The following PRKCH variants were observed in gnomAD, a reference collection of about 807,000 sequenced individuals.
The protein encoded by PRKCH is protein kinase C eta, also known as protein kinase C eta type.
In PRKCH, 28 loss-of-function variants were observed where a neutral mutation model predicts 82.5. The ratio of observed to expected loss-of-function variants is 0.34; its 90% CI spans 0.25 to 0.47. The LOEUF (loss-of-function observed/expected upper bound fraction) is 0.47, where lower values mean the gene tolerates loss of function less well. PRKCH is among the 20% of genes least tolerant of loss of function. PRKCH has a pLI of 1.00. For synonymous variants in PRKCH, 322 were observed against 327.4 expected (o/e 0.98, Z 0.18); for missense variants, 705 against 881.8 (o/e 0.80, Z 2.54).
At chr14:61,356,823 A>C (rs1475363874) in intron 1 of PRKCH, among the ~76,000 whole-genome samples, 1 of 152,156 alleles carries the variant, frequency 6.6e-6, no homozygotes, top group Non-Finnish European at 1.5e-5. Flanking sequence ...GTGGGATGAC[A>C]GGCACCTACC....
intron 1 of PRKCH, among the ~76,000 whole-genome samples, chr14:61,232,741 C>A (rs1232411323): frequency 6.6e-6 from 1 of 152,126 alleles, no homozygotes; most frequent in African/African-American, 2.4e-5. Flanking sequence ...TTGATTAAAT[C>A]ATTGACCATT....
intron 2 of PRKCH, among the ~76,000 whole-genome samples, chr14:61,410,878 G>C (rs73320025): frequency 6.6e-6 from 1 of 152,226 alleles, no homozygotes; most frequent in Non-Finnish European, 1.5e-5. Context: ...ATTCCAAACC[G>C]TGCGAATGGC....
Position 61,496,131 on chromosome 14 carries a change from G to A in PRKCH, c.1433+10475G>A, listed in dbSNP as rs552370587. Among the ~76,000 whole-genome samples, 56 of 152,292 alleles carry A rather than the reference G, an allele frequency of 3.7e-4. 1 individual carries two copies. In the South Asian group the frequency reaches 0.011, roughly 29 times the overall value. On this transcript the variant is annotated intron_variant, in intron 10 of 13. Transcript: ENST00000332981. ...GCAGATGAATTCGGGCGTCATGGGC[G>A]TCGAGGGCCCAAGCCTTTTTGTTTT...
At chr14:61,434,997 A>C (rs1883606210) in intron 2 of PRKCH, among the ~76,000 whole-genome samples, 1 of 152,202 alleles carries the variant, frequency 6.6e-6, no homozygotes, top group African/African-American at 2.4e-5. Flanking sequence ...CCCACAACAG[A>C]AAGCTGGAAA....
At chr14:61,371,853 T>G (rs1434238854) in intron 1 of PRKCH, among the ~76,000 whole-genome samples, 1 of 151,992 alleles carries the variant, frequency 6.6e-6, no homozygotes, top group Non-Finnish European at 1.5e-5. Context: ...TTTAGAGAAA[T>G]TATTGGGAAT....
At chr14:61,363,121 C>A (rs750077099) in intron 1 of PRKCH, among the ~76,000 whole-genome samples, 3 of 152,146 alleles carry the variant, frequency 2.0e-5, no homozygotes, top group Non-Finnish European at 4.4e-5. Flanking sequence ...CAAGGGCAAG[C>A]CTTTCCATGT....
intron 1 of PRKCH, among the ~76,000 whole-genome samples, chr14:61,227,463 G>A (rs1405308629): frequency 1.3e-5 from 2 of 152,090 alleles, no homozygotes; most frequent in African/African-American, 2.4e-5. Context: ...GCGTGGTGGC[G>A]AGCGCCCGTA....
At chr14:61,420,590 G>A (rs1334850796) in intron 2 of PRKCH, among the ~76,000 whole-genome samples, 1 of 152,154 alleles carries the variant, frequency 6.6e-6, no homozygotes, top group Non-Finnish European at 1.5e-5. Context: ...CCTAGCTAAA[G>A]GACTCTCTCT....
intron 2 of PRKCH, 59 bp downstream of exon 2, chr14:61,391,347 G>T: frequency 7.3e-7 from 1 of 1,371,004 alleles, no homozygotes; most frequent in Non-Finnish European, 1.0e-6. Context: ...ACACTCAGTA[G>T]GAATTTCTAT....
chr14:61,241,465 C>T (rs913335819), intron 1 of PRKCH, among the ~76,000 whole-genome samples: 9 of 152,236 alleles, frequency 5.9e-5, no homozygotes, highest in Admixed American at 2.0e-4. Context: ...TTGCTCATGC[C>T]TTGGACTTTC....
chr14:61,272,268 C>CTTGGTT (rs2045161294), intron 1 of PRKCH, among the ~76,000 whole-genome samples: 2 of 148,452 alleles, frequency 1.3e-5, no homozygotes, highest in South Asian at 4.2e-4. Flanking sequence ...AGGGAAATCA[C>CTTGGTT]TTAGTGTGAT....
At chr14:61,436,779 G>A (rs761937847) in intron 2 of PRKCH, among the ~76,000 whole-genome samples, 2 of 152,160 alleles carry the variant, frequency 1.3e-5, no homozygotes, top group South Asian at 4.1e-4. Flanking sequence ...TCATCTGCCC[G>A]CCTCAGCCTT....
Position 61,430,990 on chromosome 14 carries a change from G to A in PRKCH, c.428-12121G>A, listed in dbSNP as rs891415596. Among the ~76,000 whole-genome samples, 23 of 152,146 alleles carry A rather than the reference G, an allele frequency of 1.5e-4. 1 individual carries two copies. Among genetic ancestry groups the A allele is most frequent in the South Asian group, 1.0e-3 (5 of 4,834 alleles). On this transcript the variant is annotated intron_variant, in intron 2 of 13. Transcript: ENST00000332981. Reference sequence around the variant, plus strand: ...AGGATGGTCTGGATCTCCTGACCTCGCGATCCGCCCGCCTCGGCCTCCCAA... The same window carrying A: ...AGGATGGTCTGGATCTCCTGACCTCACGATCCGCCCGCCTCGGCCTCCCAA...
chr14:61,272,172 G>A (rs971813385), intron 1 of PRKCH, among the ~76,000 whole-genome samples: 4 of 151,540 alleles, frequency 2.6e-5, no homozygotes, highest in African/African-American at 9.7e-5. Flanking sequence ...AGCTTGCAGT[G>A]AGCTGAGATT....
At chr14:61,436,225 A>G (rs1250880008) in intron 2 of PRKCH, among the ~76,000 whole-genome samples, 2 of 152,196 alleles carry the variant, frequency 1.3e-5, no homozygotes, top group African/African-American at 4.8e-5. Context: ...TATGAGCCGT[A>G]GGTCCTACTC....
chr14:61,294,318 C>T (rs900268349), intron 1 of PRKCH, among the ~76,000 whole-genome samples: 12 of 152,000 alleles, frequency 7.9e-5, no homozygotes, highest in African/African-American at 2.2e-4. Context: ...GATGGGGTTT[C>T]GCCGTGTTAG....
intron 1 of PRKCH, among the ~76,000 whole-genome samples, chr14:61,387,228 GTAATTACACTGA>G (rs1232489630): frequency 6.6e-6 from 1 of 152,250 alleles, no homozygotes; most frequent in Non-Finnish European, 1.5e-5. Context: ...GTAGGGAGTT[GTAATTACACTGA>G]TAGCCAGAGA....
intron 1 of PRKCH, among the ~76,000 whole-genome samples, chr14:61,210,689 G>A (rs1474001482): frequency 6.6e-6 from 1 of 152,044 alleles, no homozygotes; most frequent in African/African-American, 2.4e-5. Flanking sequence ...TAATGAGTCA[G>A]TGAACATCAT....
intron 10 of PRKCH, among the ~76,000 whole-genome samples, chr14:61,490,816 G>A (rs1293811446): frequency 6.6e-6 from 1 of 152,128 alleles, no homozygotes; most frequent in Non-Finnish European, 1.5e-5. Flanking sequence ...TACTCGGGAG[G>A]CTGAGATGGG....
Sources: allele counts gnomAD v4.1 joint callset (sites outside exome capture counted in the v4.1 genomes callset), GRCh38; gene constraint gnomAD v4.1.1; transcripts MANE v1.5; gene names NCBI Gene and HGNC (gene_info 2026-07-23, HGNC 2026-07-21).